The following CC2D1B variants were observed in gnomAD, a reference collection of about 807,000 sequenced individuals.
CC2D1B encodes coiled-coil and C2 domain-containing protein 1B.
In CC2D1B, 92 loss-of-function variants were observed where a neutral mutation model predicts 110.8. That is an observed-to-expected ratio of 0.83 (90% CI 0.70 to 0.99). CC2D1B has a LOEUF of 0.99. Ranked by LOEUF, CC2D1B falls within the 50% of genes least tolerant of loss-of-function variation. The pLI is 0.00. For synonymous variants in CC2D1B, 406 were observed against 429.2 expected, an observed-to-expected ratio of 0.95 and a Z score of 0.67; for missense variants, 1,136 against 1,089.0, an observed-to-expected ratio of 1.04 and a Z score of -0.61.
chr1:52,358,166 G>C, intron 13 of CC2D1B, 165 bp downstream of exon 13: 1 of 1,027,504 alleles, frequency 9.7e-7, no homozygotes, highest in Non-Finnish European at 1.4e-6. Flanking sequence ...TTGAATCCTA[G>C]TTCTGCTATT....
In CC2D1B at chr1:52,357,897, C is replaced by T. The variant is rs1457968316; in HGVS notation, c.1463G>A (p.Gly488Asp). The T allele has an allele frequency of 1.9e-6, 3 of 1,548,744 alleles. No individual in the cohort carries two copies. Among genetic ancestry groups the T allele is most frequent in the Non-Finnish European group, 1.7e-6 (2 of 1,153,912 alleles). The change falls in exon 14 of 25, where the codon GGT becomes GAT. Residue 488 changes from glycine to aspartate, a missense_variant and splice_region_variant. Physicochemically the swap from Gly to Asp is moderately conservative, Grantham distance 94. Transcript: ENST00000284376. ...SAPADKDEDE[G>D]EPPAQAPVAK... Reference sequence around the variant, plus strand: ...CACTGGGGCCTGTGCTGGGGGCTCACCCTGCAGGTGCCCAGGAGGCTGTTA... The same window carrying T: ...CACTGGGGCCTGTGCTGGGGGCTCATCCTGCAGGTGCCCAGGAGGCTGTTA...
intron 2 of CC2D1B, among the ~76,000 whole-genome samples, chr1:52,363,412 A>AG (rs1177004654): frequency 6.6e-6 from 1 of 151,466 alleles, no homozygotes; most frequent in Non-Finnish European, 1.5e-5. Flanking sequence ...AAAAAAAAAA[A>AG]GAAGGTCCTA....
In CC2D1B at chr1:52,361,036, G is replaced by A. The variant is rs756507401; in HGVS notation, c.415C>T (p.Leu139=). The A allele has an allele frequency of 6.2e-7, 1 of 1,613,988 alleles. No homozygotes were observed. The highest frequency in any genetic ancestry group is 1.3e-5 in the African/African-American group (1 of 74,874). ...TGCACTGGAGGTTCAGTGTCTTCTAGGCCGTTCTCCTCCTCAGAGCCGCCT... is the reference window on the plus strand; with the variant it reads ...TGCACTGGAGGTTCAGTGTCTTCTAAGCCGTTCTCCTCCTCAGAGCCGCCT... ...DPGGSEEENG[L]EDTEPPVQTA... Residue 139 remains leucine (L), a synonymous_variant, in exon 5 of 25, where the codon CTA becomes TTA. Transcript: ENST00000284376.
intron 3 of CC2D1B, among the ~76,000 whole-genome samples, chr1:52,362,062 G>C (rs574338503): frequency 6.6e-6 from 1 of 152,162 alleles, no homozygotes; most frequent in Non-Finnish European, 1.5e-5. Context: ...TCAAACCTAG[G>C]CTTGTGCCAC....
chr1:52,353,710 C>G (rs1646578496), intron 23 of CC2D1B, 63 bp from the exon 24 acceptor site: 2 of 1,243,358 alleles, frequency 1.6e-6, no homozygotes, highest in African/African-American at 3.0e-5. Context: ...CAGGCAGGTC[C>G]CTACATTCCC....
At chr1:52,358,898 C>G in intron 11 of CC2D1B, 129 bp downstream of exon 11, 1 of 1,454,604 alleles carries the variant, frequency 6.9e-7, no homozygotes, top group Non-Finnish European at 9.3e-7. Flanking sequence ...CCTAAGGCAG[C>G]AAGAGCCCCA....
intron 21 of CC2D1B, 147 bp downstream of exon 21, chr1:52,355,251 C>G (rs915679579): frequency 4.7e-6 from 4 of 844,268 alleles, no homozygotes; most frequent in East Asian, 2.7e-5. Context: ...GCGTGTTTCT[C>G]CAACTACAGA....
rs764808768 is a variant in CC2D1B, at chr1:52,357,964, A to C, written c.1462-66T>G. ...CTAGCATAGTCATGGCGGCTCCCAG[A>C]CTTGGGCTGTCTTCCTAACACTGTA... On this transcript the variant is annotated intron_variant, in intron 13 of 24. Transcript: ENST00000284376. 3 of 1,514,528 alleles carry C rather than the reference A, an allele frequency of 2.0e-6. No individual in the cohort carries two copies. The South Asian group carries it at 4.0e-5, about 20-fold the overall frequency. The allele number at this position is 1,514,528 out of a possible 1,614,324, so 93.8% of individuals were successfully genotyped here.
chr1:52,353,559 A>T lies in CC2D1B; in HGVS notation c.2519T>A (p.Val840Asp). 6.2e-7 allele frequency: 1 copy of T among 1,614,094 alleles called. No individual in the cohort carries two copies. Among genetic ancestry groups the T allele is most frequent in the African/African-American group, 1.3e-5 (1 of 75,030 alleles). The change falls in exon 24 of 25, where the codon GTC (valine) becomes GAC (aspartate). Residue 840 changes from valine to aspartate, a missense_variant. By Grantham distance (152) the Val-to-Asp change is radical. Coordinates refer to ENST00000284376, the MANE Select transcript of CC2D1B (RefSeq NM_001330585.2). ...EPLSGQDVQM[V>D]TENWLVLEPR... ...CTCCAGAACCAGCCAGTTCTCAGTG[A>T]CCATCTGCACATCCTGGCCACTCAG... is the stretch of plus-strand genomic sequence containing the variant.
chr1:52,357,858 G>A lies in CC2D1B; in HGVS notation c.1502C>T (p.Ala501Val). 1.3e-6 allele frequency: 2 copies of A among 1,586,092 alleles called. No individual in the cohort carries two copies. Among genetic ancestry groups the A allele is most frequent in the South Asian group, 1.2e-5 (1 of 85,878 alleles). ...CTGGGATGAAGGGACTGTGGGCCGT[G>A]CAGGTTTCTTGGCCACTGGGGCCTG... is the stretch of plus-strand genomic sequence containing the variant. ...PAQAPVAKKP[A>V]RPTVPSSQRL... The change falls in exon 14 of 25, where the codon GCA becomes GTA. Residue 501 changes from alanine (A) to valine (V), a missense_variant. Physicochemically the swap from Ala to Val is moderately conservative, Grantham distance 64. Transcript: ENST00000284376.
In CC2D1B at chr1:52,359,331, C is replaced by A; in HGVS notation, c.1045G>T (p.Ala349Ser). 2 of 1,613,354 alleles carry A rather than the reference C, an allele frequency of 1.2e-6. No individual in the cohort carries two copies. Among genetic ancestry groups the A allele is most frequent in the Non-Finnish European group, 1.7e-6 (2 of 1,179,848 alleles). The change falls in exon 10 of 25, where the codon GCT (alanine) becomes TCT (serine). Residue 349 changes from alanine (A) to serine (S), a missense_variant. Transcript: ENST00000284376. ...EDLKPQQASQ[A>S]PTAPSVIPPA... ...GGAATGACTGAGGGTGCTGTGGGAG[C>A]CTGAGAAGCCTGCTGGGGCTTCAGA...
At chr1:52,362,374 T>C (rs746161216) in intron 3 of CC2D1B, among the ~76,000 whole-genome samples, 2 of 152,194 alleles carry the variant, frequency 1.3e-5, no homozygotes, top group Non-Finnish European at 2.9e-5. Context: ...GATGGGGACC[T>C]GAGTCAGTCT....
At chr1:52,355,562 A>G in intron 20 of CC2D1B, 46 bp downstream of exon 20, 1 of 1,611,562 alleles carries the variant, frequency 6.2e-7, no homozygotes, top group Non-Finnish European at 8.5e-7. Context: ...AGGGTCCTGG[A>G]ATGCAAGGCG....
At chr1:52,356,346 C>T (rs1011489348) in intron 17 of CC2D1B, 38 bp downstream of exon 17, 2 of 1,613,934 alleles carry the variant, frequency 1.2e-6, no homozygotes, top group Non-Finnish European at 1.7e-6. Flanking sequence ...ATTTTCTGCT[C>T]CCCACCCTAT....
chr1:52,361,610 A>AG lies in CC2D1B; in HGVS notation c.220dup (p.Leu74ProfsTer47), dbSNP rs761754886. On this transcript the variant is annotated frameshift_variant, in exon 4 of 25. Transcript: ENST00000284376. LOFTEE classifies it high-confidence loss of function. ...CAACTTCTCGATGTGGGCCATGGGC[A>AG]GGGGGGCTGGGGGAAAAAGGTCACA... 172 of 1,613,604 alleles carry AG rather than the reference A, an allele frequency of 1.1e-4. No individual in the cohort carries two copies. Among genetic ancestry groups the AG allele is most frequent in the Non-Finnish European group, 1.3e-4 (158 of 1,179,998 alleles).
chr1:52,364,783 G>A (rs1170431020), intron 1 of CC2D1B, 149 bp from the exon 2 acceptor site: 2 of 502,826 alleles, frequency 4.0e-6, no homozygotes, highest in Non-Finnish European at 3.6e-6. Context: ...AAGCACTGAA[G>A]CAGCACAGGC....
rs770789128 is a variant in CC2D1B at position 52,362,641 on chromosome 1, C to T, written c.175G>A (p.Ala59Thr). The T allele has an allele frequency of 9.3e-6, 15 of 1,614,088 alleles. No individual in the cohort carries two copies. Among genetic ancestry groups the T allele is most frequent in the East Asian group, 2.2e-5 (1 of 44,896 alleles). Residue 59 changes from alanine (A) to threonine (T), a missense_variant, in exon 3 of 25, where the codon GCA becomes ACA. Coordinates refer to ENST00000284376, the MANE Select transcript of CC2D1B (RefSeq NM_001330585.2). ...EAELLALTGE[A>T]QTTGKKPAPK... ...GCTGGCTTCTTGCCTGTGGTTTGTG[C>T]TTCCCCTGTGAGAGCCAGCAGCTCA...
In CC2D1B at chr1:52,351,962, C is replaced by T. The variant is rs576154192; in HGVS notation, c.*1263G>A. The T allele has an allele frequency of 1.3e-5, 2 of 151,818 alleles. No individual in the cohort carries two copies. The highest frequency in any genetic ancestry group is 4.2e-4 in the South Asian group (2 of 4,794). 9.4% of individuals were successfully genotyped at this position (151,818 alleles called of 1,614,324 possible). A position where few individuals can be genotyped will look rare whatever the true frequency, so the allele number is the denominator to read the frequency against. ...CTTGTGTGTAGTTCCCGCTCTGTGA[C>T]CCACTAAAAGCTCTGCGTTTAAGGG... On this transcript the variant is annotated 3_prime_UTR_variant, in exon 25 of 25. Coordinates refer to ENST00000284376, the MANE Select transcript of CC2D1B (RefSeq NM_001330585.2).
At chr1:52,353,364 G>A in intron 24 of CC2D1B, 141 bp from the exon 25 acceptor site, 2 of 1,508,704 alleles carry the variant, frequency 1.3e-6, no homozygotes, top group South Asian at 1.4e-5. Context: ...GTTCTACTGA[G>A]GAACATCAGA....
Sources: gnomAD v4.1 joint callset for allele counts (sites outside exome capture counted in the v4.1 genomes callset) on GRCh38, gnomAD v4.1.1 for gene constraint, MANE v1.5 for transcripts, NCBI Gene and HGNC (gene_info 2026-07-23, HGNC 2026-07-21) for gene names.